The following CAPZB variants were observed in gnomAD, a reference collection of about 807,000 sequenced individuals.
The protein encoded by CAPZB is capping actin protein of muscle Z-line subunit beta.
CAPZB carries 2 observed loss-of-function variants against 38.1 expected under a neutral mutation model. That is an observed-to-expected ratio of 0.05 (90% CI 0.02 to 0.17). CAPZB has a LOEUF of 0.17. Ranked by LOEUF, CAPZB falls within the 10% of genes least tolerant of loss-of-function variation. The probability of loss-of-function intolerance (pLI) is 1.00; values close to 1 mark genes in which losing one functional copy is unlikely to be tolerated. For missense variants in CAPZB, 161 were observed against 334.2 expected, an observed-to-expected ratio of 0.48 and a Z score of 4.04; for synonymous variants, 107 against 127.4, an observed-to-expected ratio of 0.84 and a Z score of 1.08.
chr1:19,377,959 T>C (rs1184264114), intron 4 of CAPZB, among the ~76,000 whole-genome samples: 1 of 152,220 alleles, frequency 6.6e-6, no homozygotes, highest in Non-Finnish European at 1.5e-5. Context: ...ACTGCACTTA[T>C]CTTGGCCTGA....
chr1:19,458,049 GACC>G (rs1464493461), intron 1 of CAPZB, among the ~76,000 whole-genome samples: 1 of 146,876 alleles, frequency 6.8e-6, no homozygotes, highest in Non-Finnish European at 1.5e-5. Context: ...TGTAGCCTAT[GACC>G]ACAACTAATC....
intron 2 of CAPZB, among the ~76,000 whole-genome samples, chr1:19,393,122 A>G (rs1424165881): frequency 6.6e-6 from 1 of 152,246 alleles, no homozygotes; most frequent in African/African-American, 2.4e-5. Flanking sequence ...CATTAGGAAC[A>G]CTGAGCCACG....
intron 1 of CAPZB, among the ~76,000 whole-genome samples, chr1:19,469,618 G>A (rs920979676): frequency 2.6e-5 from 4 of 151,946 alleles, no homozygotes; most frequent in Admixed American, 6.6e-5. Context: ...CGGCGGCCAC[G>A]GAGAGAGCAT....
intron 2 of CAPZB, among the ~76,000 whole-genome samples, chr1:19,393,480 GA>G (rs948235098): frequency 6.6e-6 from 1 of 152,248 alleles, no homozygotes; most frequent in Non-Finnish European, 1.5e-5. Context: ...CTGTGGATGA[GA>G]AAACCCAGGC....
intron 1 of CAPZB, among the ~76,000 whole-genome samples, chr1:19,428,589 T>A (rs1367027280): frequency 6.6e-6 from 1 of 152,196 alleles, no homozygotes; most frequent in Non-Finnish European, 1.5e-5. Context: ...TCACAGAAAT[T>A]AGATCTGGAC....
intron 2 of CAPZB, among the ~76,000 whole-genome samples, chr1:19,397,817 A>G (rs1342390478): frequency 9.3e-6 from 1 of 107,418 alleles, no homozygotes; most frequent in African/African-American, 4.1e-5. Context: ...GGAAGTTACA[A>G]AATAAGAATG....
chr1:19,376,794 C>T (rs2094146839), intron 4 of CAPZB, among the ~76,000 whole-genome samples: 2 of 152,234 alleles, frequency 1.3e-5, no homozygotes, highest in African/African-American at 4.8e-5. Flanking sequence ...AAGCACCCGG[C>T]TCATGGGAGG....
chr1:19,448,929 G>C, intron 1 of CAPZB: 1 of 1,612,750 alleles, frequency 6.2e-7, no homozygotes, highest in Non-Finnish European at 8.5e-7. Flanking sequence ...GGAGGTGATG[G>C]GTTAATAACA....
intron 4 of CAPZB, among the ~76,000 whole-genome samples, chr1:19,358,429 C>A (rs554419939): frequency 6.6e-6 from 1 of 152,340 alleles, no homozygotes; most frequent in South Asian, 2.1e-4. Context: ...TGAGCCACTG[C>A]GCCTGGCCCA....
chr1:19,348,762 G>A (rs541763531), intron 6 of CAPZB, among the ~76,000 whole-genome samples: 9 of 131,964 alleles, frequency 6.8e-5, no homozygotes, highest in Admixed American at 2.9e-4. Context: ...TCTGACAAGG[G>A]GGGGGGGCGG....
chr1:19,367,023 G>A (rs2094092224), intron 4 of CAPZB, among the ~76,000 whole-genome samples: 1 of 152,206 alleles, frequency 6.6e-6, no homozygotes, highest in Admixed American at 6.5e-5. Flanking sequence ...TCCCTTCCTC[G>A]TGGTGTAGAC....
intron 4 of CAPZB, among the ~76,000 whole-genome samples, chr1:19,373,473 C>G (rs768815553): frequency 4.6e-5 from 7 of 152,210 alleles, no homozygotes; most frequent in Non-Finnish European, 8.8e-5. Flanking sequence ...GGATCAAAGC[C>G]CAGAGCCTGA....
At chr1:19,434,452 T>C (rs560259395) in intron 1 of CAPZB, among the ~76,000 whole-genome samples, 2 of 150,446 alleles carry the variant, frequency 1.3e-5, no homozygotes, top group African/African-American at 4.9e-5. Flanking sequence ...TGGCTGGGCA[T>C]GGTGGCTCAC....
intron 1 of CAPZB, among the ~76,000 whole-genome samples, chr1:19,432,778 A>G (rs1047356484): frequency 3.9e-5 from 6 of 152,248 alleles, no homozygotes; most frequent in African/African-American, 1.4e-4. Flanking sequence ...TCCCATGCCC[A>G]AACATTCTCC....
At chr1:19,479,063 A>T (rs2094618027) in intron 1 of CAPZB, among the ~76,000 whole-genome samples, 1 of 152,050 alleles carries the variant, frequency 6.6e-6, no homozygotes, top group Non-Finnish European at 1.5e-5. Context: ...ACAAAAAATT[A>T]GCTAGGCATG....
At chr1:19,366,304 AT>A (rs2094086916) in intron 4 of CAPZB, among the ~76,000 whole-genome samples, 1 of 91,272 alleles carries the variant, frequency 1.1e-5, no homozygotes, top group Non-Finnish European at 2.3e-5. Flanking sequence ...ATATATATAT[AT>A]ATATAAATAA....
At position 19,432,760 on chromosome 1, in the gene CAPZB, A is replaced by T. The variant is rs1421436509; in HGVS notation, c.4-13010T>A. 2.0e-5 allele frequency among the ~76,000 whole-genome samples: 3 copies of T among 152,230 alleles called. No homozygotes were observed. The East Asian group carries it at 5.8e-4, about 29-fold the overall frequency. The stretch of plus-strand genomic sequence containing the variant: ...TGAATGACACAGAAGGACATAACAC[A>T]GGTCCCCTCCCATGCCCAAACATTC... On this transcript the variant is annotated intron_variant, in intron 1 of 8. Transcript: ENST00000264202.
rs55649494 is a variant in CAPZB, at chr1:19,368,662, CTT to C, written c.329+9876_329+9877del. Among the ~76,000 whole-genome samples, 187 of 132,328 alleles carry C rather than the reference CTT, an allele frequency of 1.4e-3. 1 individual carries two copies. The highest frequency in any genetic ancestry group is 1.6e-3 in the East Asian group (7 of 4,438). 86.8% of individuals were successfully genotyped at this position (132,328 alleles called of 152,430 possible). A position where few individuals can be genotyped will look rare whatever the true frequency, so the allele number is the denominator to read the frequency against. Reference sequence around the variant, plus strand: ...GCTGGCTGGGTCACTGCAAGAATGCCTTTTTTTTTTTTTTTTTTAATTAGACA... The same window carrying C: ...GCTGGCTGGGTCACTGCAAGAATGCCTTTTTTTTTTTTTTTTAATTAGACA... On this transcript the variant is annotated intron_variant, in intron 4 of 8. Transcript: ENST00000264202.
At chr1:19,361,693 T>C (rs2094053870) in intron 4 of CAPZB, among the ~76,000 whole-genome samples, 1 of 152,262 alleles carries the variant, frequency 6.6e-6, no homozygotes, top group African/African-American at 2.4e-5. Context: ...AAAAATAATT[T>C]TTATGTGGTT....
Sources: allele counts gnomAD v4.1 joint callset (sites outside exome capture counted in the v4.1 genomes callset), GRCh38; gene constraint gnomAD v4.1.1; transcripts MANE v1.5; gene names NCBI Gene and HGNC (gene_info 2026-07-23, HGNC 2026-07-21).